The following GMPPB variants were observed in gnomAD, a reference collection of about 807,000 sequenced individuals.
GMPPB encodes GDP-mannose pyrophosphorylase B, also known as mannose-1-phosphate guanylyltransferase catalytic subunit beta.
GMPPB carries 38 observed loss-of-function variants against 40.3 expected under a neutral mutation model. The observed-to-expected ratio is 0.94, with a 90% CI of 0.73 to 1.24. The LOEUF is 1.24. Among genes scored for constraint, GMPPB ranks in the 50% most tolerant of loss-of-function variants. GMPPB has a pLI of 0.00. For missense variants in GMPPB, 436 were observed against 487.1 expected (o/e 0.90, Z 0.99); for synonymous variants, 193 against 191.8 (o/e 1.01, Z -0.05).
Position 49,721,544 on chromosome 3 carries a change from C to T in GMPPB, c.*208G>A. 1.2e-6 allele frequency: 1 copy of T among 804,044 alleles called. No individual in the cohort carries two copies. Among genetic ancestry groups the T allele is most frequent in the Non-Finnish European group, 2.1e-6 (1 of 475,298 alleles). The allele number at this position is 804,044 out of a possible 1,614,324, so 49.8% of individuals were successfully genotyped here. On this transcript the variant is annotated 3_prime_UTR_variant, in exon 9 of 9. Transcript: ENST00000308388. ...TATTCCATACAGCCCTGGCCCTGGC[C>T]CTTCTTGAGGGAGTGGGGTTTGTGG... is the stretch of plus-strand genomic sequence containing the variant.
Position 49,723,925 on chromosome 3 carries a change from G to C in GMPPB, c.-199C>G, listed in dbSNP as rs1216259600. ...CCGCCACAACACAGAACGCGACACC[G>C]GGTAGACGGCTGCTGGCCCCGAACT... On this transcript the variant is annotated 5_prime_UTR_variant, in exon 1 of 9. Coordinates refer to ENST00000308388, the MANE Select transcript of GMPPB (RefSeq NM_021971.4). The C allele has an allele frequency of 5.7e-6, 3 of 527,898 alleles. No individual in the cohort carries two copies. Among genetic ancestry groups the C allele is most frequent in the Non-Finnish European group, 9.6e-6 (3 of 312,976 alleles). The allele number at this position is 527,898 out of a possible 1,614,324, so 32.7% of individuals were successfully genotyped here. A position where few individuals can be genotyped will look rare whatever the true frequency, so the allele number is the denominator to read the frequency against.
At chr3:49,723,329 G>A in intron 2 of GMPPB, 27 bp from the exon 3 acceptor site, 5 of 1,614,204 alleles carry the variant, frequency 3.1e-6, no homozygotes, top group Non-Finnish European at 3.4e-6. Context: ...CCCCCAGTCA[G>A]GTTCTACCAG....
rs186586241 is a variant in GMPPB, at chr3:49,723,933, G to C, written c.-207C>G. 1,775 of 503,074 alleles carry C rather than the reference G, an allele frequency of 3.5e-3. 25 individuals carry two copies. Among genetic ancestry groups the C allele is most frequent in the African/African-American group, 0.032 (1,605 of 49,496 alleles). The allele number at this position is 503,074 out of a possible 1,614,324, so 31.2% of individuals were successfully genotyped here. A position where few individuals can be genotyped will look rare whatever the true frequency, so the allele number is the denominator to read the frequency against. ...ACACAGAACGCGACACCGGGTAGAC[G>C]GCTGCTGGCCCCGAACTCAGGCCGG... On this transcript the variant is annotated 5_prime_UTR_variant, in exon 1 of 9. Transcript: ENST00000308388.
At position 49,721,452 on chromosome 3, in the gene GMPPB, C is replaced by T; in HGVS notation, c.*300G>A. ...CTGCCTGTATCCTCATTGGTGGGAG[C>T]CCAGCCATGGCCCTAATTGTGCCTG... On this transcript the variant is annotated 3_prime_UTR_variant, in exon 9 of 9. Transcript: ENST00000308388. 9.0e-7 allele frequency: 1 copy of T among 1,111,876 alleles called. No homozygotes were observed. Among genetic ancestry groups the T allele is most frequent in the Non-Finnish European group, 1.4e-6 (1 of 727,210 alleles). The allele number at this position is 1,111,876 out of a possible 1,614,324, so 68.9% of individuals were successfully genotyped here.
chr3:49,721,629 G>A lies in GMPPB; in HGVS notation c.*123C>T. Reference sequence around the variant, plus strand: ...CACATGAGAAGGCAGGTGTCCAACAGCTTCAGCTTCACCCAGTGCCCCCCA... The same window carrying A: ...CACATGAGAAGGCAGGTGTCCAACAACTTCAGCTTCACCCAGTGCCCCCCA... On this transcript the variant is annotated 3_prime_UTR_variant, in exon 9 of 9. Transcript: ENST00000308388. 1.0e-6 allele frequency: 1 copy of A among 990,652 alleles called. No individual in the cohort carries two copies. Among genetic ancestry groups the A allele is most frequent in the Non-Finnish European group, 1.5e-6 (1 of 655,020 alleles). The allele number at this position is 990,652 out of a possible 1,614,324, so 61.4% of individuals were successfully genotyped here.
Position 49,722,230 on chromosome 3 carries a change from C to A in GMPPB, c.768+1G>T. 1.2e-6 allele frequency: 2 copies of A among 1,612,882 alleles called. No individual in the cohort carries two copies. The highest frequency in any genetic ancestry group is 1.7e-6 in the Non-Finnish European group (2 of 1,179,370). ...AATGATGGGCTGGGCAAGGGCCTCA[C>A]CACCAGCACGTTGCCCACAATGCCA... On this transcript the variant is annotated splice_donor_variant, in intron 7 of 8. Coordinates refer to ENST00000308388, the MANE Select transcript of GMPPB (RefSeq NM_021971.4). LOFTEE classifies it high-confidence loss of function.
chr3:49,722,954 G>A lies in GMPPB; in HGVS notation c.402+18C>T, dbSNP rs563829852. 1 of 1,611,880 alleles carries A rather than the reference G, an allele frequency of 6.2e-7. No individual in the cohort carries two copies. The highest frequency in any genetic ancestry group is 1.3e-5 in the African/African-American group (1 of 74,932). On this transcript the variant is annotated intron_variant, in intron 4 of 8. Coordinates refer to ENST00000308388, the MANE Select transcript of GMPPB (RefSeq NM_021971.4). ...TGGAGGGTGAAAGTGTCAAGAGAGA[G>A]AAGACCTGGCGCCTTACCAGGATGG...
chr3:49,720,984 C>G lies in GMPPB; in HGVS notation c.*768G>C. Reference sequence around the variant, plus strand: ...AACGGACATCCACATAGCCAGGCATCCAACTCCAGCCCACCCTTCACTCTC... The same window carrying G: ...AACGGACATCCACATAGCCAGGCATGCAACTCCAGCCCACCCTTCACTCTC... On this transcript the variant is annotated 3_prime_UTR_variant, in exon 9 of 9. Coordinates refer to ENST00000308388, the MANE Select transcript of GMPPB (RefSeq NM_021971.4). 1 of 1,608,290 alleles carries G rather than the reference C, an allele frequency of 6.2e-7. No individual in the cohort carries two copies. The highest frequency in any genetic ancestry group is 8.5e-7 in the Non-Finnish European group (1 of 1,175,348).
At position 49,721,313 on chromosome 3, in the gene GMPPB, A is replaced by T. The variant is rs2080401800; in HGVS notation, c.*439T>A. 1.2e-5 allele frequency: 19 copies of T among 1,614,064 alleles called. No homozygotes were observed. Among genetic ancestry groups the T allele is most frequent in the Non-Finnish European group, 1.4e-5 (17 of 1,180,036 alleles). ...ACCTCCTCAGCTGCCTAGCCCTCAC[A>T]GCCTGTGCCATCCTGGAACCTCCAC... On this transcript the variant is annotated 3_prime_UTR_variant, in exon 9 of 9. Coordinates refer to ENST00000308388, the MANE Select transcript of GMPPB (RefSeq NM_021971.4).
chr3:49,720,669 G>A lies in GMPPB; in HGVS notation c.*1083C>T. 1 of 1,595,164 alleles carries A rather than the reference G, an allele frequency of 6.3e-7. No homozygotes were observed. On this transcript the variant is annotated 3_prime_UTR_variant, in exon 9 of 9. Transcript: ENST00000308388. Reference sequence around the variant, plus strand: ...CTGCAGAGCTGTGAGTGGGCTGGTGGGGCAGGTCAGGGAAATCTGGGGCTG... The same window carrying A: ...CTGCAGAGCTGTGAGTGGGCTGGTGAGGCAGGTCAGGGAAATCTGGGGCTG...
Position 49,721,500 on chromosome 3 carries a change from A to ATTAAATTATTGACTTT in GMPPB, c.*251_*252insAAAGTCAATAATTTAA, listed in dbSNP as rs2080407288. Reference sequence around the variant, plus strand: ...CTGAGCTTGACTTTCAGTCAGGGCCACAGTGAGCATTAAATTATTATTCCA... The same window carrying ATTAAATTATTGACTTT: ...CTGAGCTTGACTTTCAGTCAGGGCCATTAAATTATTGACTTTCAGTGAGCATTAAATTATTATTCCA... On this transcript the variant is annotated 3_prime_UTR_variant, in exon 9 of 9. Transcript: ENST00000308388. The ATTAAATTATTGACTTT allele has an allele frequency of 8.1e-6, 7 of 860,336 alleles. No individual in the cohort carries two copies. Among genetic ancestry groups the ATTAAATTATTGACTTT allele is most frequent in the Non-Finnish European group, 1.4e-5 (7 of 513,226 alleles). 53.3% of individuals were successfully genotyped at this position (860,336 alleles called of 1,614,324 possible). A position where few individuals can be genotyped will look rare whatever the true frequency, so the allele number is the denominator to read the frequency against.
rs2080378279 is a variant in GMPPB, at chr3:49,720,480, T to TCTGA, written c.*1268_*1271dup. 1 of 1,518,498 alleles carries TCTGA rather than the reference T, an allele frequency of 6.6e-7. No homozygotes were observed. The highest frequency in any genetic ancestry group is 8.8e-7 in the Non-Finnish European group (1 of 1,131,884). The allele number at this position is 1,518,498 out of a possible 1,614,324, so 94.1% of individuals were successfully genotyped here. On this transcript the variant is annotated 3_prime_UTR_variant, in exon 9 of 9. Transcript: ENST00000308388. ...AGACTTTTAGCCAGGCCCCAAGCCT[T>TCTGA]CTGACTGCCCTTGCACCCTCCCCTA...
Position 49,721,639 on chromosome 3 carries a change from C to T in GMPPB, c.*113G>A. The T allele has an allele frequency of 9.4e-7, 1 of 1,067,712 alleles. No individual in the cohort carries two copies. Among genetic ancestry groups the T allele is most frequent in the Non-Finnish European group, 1.4e-6 (1 of 723,578 alleles). The allele number at this position is 1,067,712 out of a possible 1,614,324, so 66.1% of individuals were successfully genotyped here. On this transcript the variant is annotated 3_prime_UTR_variant, in exon 9 of 9. Transcript: ENST00000308388. ...GGCAGGTGTCCAACAGCTTCAGCTTCACCCAGTGCCCCCCAGACAAATAAT... is the reference window on the plus strand; with the variant it reads ...GGCAGGTGTCCAACAGCTTCAGCTTTACCCAGTGCCCCCCAGACAAATAAT...
chr3:49,722,646 T>A lies in GMPPB; in HGVS notation c.511A>T (p.Ile171Phe). The change falls in exon 5 of 9, where the codon ATC becomes TTC. Residue 171 changes from isoleucine to phenylalanine, a missense_variant. Coordinates refer to ENST00000308388, the MANE Select transcript of GMPPB (RefSeq NM_021971.4). ...EKPQVFVSNK[I>F]NAGMYILSPA... is the part of the protein sequence containing the mutation. ...CTCAGGATGTACATGCCTGCGTTGA[T>A]CTTATTGGACACAAACACCTGTGGC... The A allele has an allele frequency of 6.2e-7, 1 of 1,614,034 alleles. No individual in the cohort carries two copies. Among genetic ancestry groups the A allele is most frequent in the Non-Finnish European group, 8.5e-7 (1 of 1,180,026 alleles).
Position 49,720,615 on chromosome 3 carries a change from T to C in GMPPB, c.*1137A>G, listed in dbSNP as rs769445575. 6.2e-7 allele frequency: 1 copy of C among 1,605,958 alleles called. No individual in the cohort carries two copies. The highest frequency in any genetic ancestry group is 2.2e-5 in the East Asian group (1 of 44,714). On this transcript the variant is annotated 3_prime_UTR_variant, in exon 9 of 9. Coordinates refer to ENST00000308388, the MANE Select transcript of GMPPB (RefSeq NM_021971.4). ...GAGCCCCCAGCACCTGGCACTGCTCTGCCAGCCCCTGACCGGAAGCGCTTC... is the reference window on the plus strand; with the variant it reads ...GAGCCCCCAGCACCTGGCACTGCTCCGCCAGCCCCTGACCGGAAGCGCTTC...
Position 49,721,688 on chromosome 3 carries a change from T to C in GMPPB, c.*64A>G. 1 of 1,447,898 alleles carries C rather than the reference T, an allele frequency of 6.9e-7. No homozygotes were observed. Among genetic ancestry groups the C allele is most frequent in the Non-Finnish European group, 9.4e-7 (1 of 1,059,390 alleles). 89.7% of individuals were successfully genotyped at this position (1,447,898 alleles called of 1,614,324 possible). ...ATGACAAGTCCAGGGTCTTCTGATG[T>C]GTCAGGCCAGCACTCCCCTTGCTGA... On this transcript the variant is annotated 3_prime_UTR_variant, in exon 9 of 9. Transcript: ENST00000308388.
Position 49,720,351 on chromosome 3 carries a change from T to G in GMPPB, c.*1401A>C. ...AAAAAAAACAGGCTGTGTGGCACCT[T>G]ACTAGAATACAGGACTTGGGGTTTG... On this transcript the variant is annotated 3_prime_UTR_variant, in exon 9 of 9. Coordinates refer to ENST00000308388, the MANE Select transcript of GMPPB (RefSeq NM_021971.4). 1.6e-6 allele frequency: 1 copy of G among 609,752 alleles called. No individual in the cohort carries two copies. Among genetic ancestry groups the G allele is most frequent in the Non-Finnish European group, 2.6e-6 (1 of 391,792 alleles). 37.8% of individuals were successfully genotyped at this position (609,752 alleles called of 1,614,324 possible).
Position 49,720,666 on chromosome 3 carries a change from G to GTGGGGCAGGTCAGGGAAATC in GMPPB, c.*1066_*1085dup, listed in dbSNP as rs1559694436. On this transcript the variant is annotated 3_prime_UTR_variant, in exon 9 of 9. Transcript: ENST00000308388. ...TCCCTGCAGAGCTGTGAGTGGGCTG[G>GTGGGGCAGGTCAGGGAAATC]TGGGGCAGGTCAGGGAAATCTGGGG... 2 of 1,595,678 alleles carry GTGGGGCAGGTCAGGGAAATC rather than the reference G, an allele frequency of 1.3e-6. No individual in the cohort carries two copies. Among genetic ancestry groups the GTGGGGCAGGTCAGGGAAATC allele is most frequent in the Admixed American group, 3.4e-5 (2 of 59,398 alleles).
chr3:49,721,895 G>C lies in GMPPB; in HGVS notation c.952-12C>G. ...TTCTCCATGCGTACCTCCAGGAGAG[G>C]ATAGGCCTTGTCAGGGAGGCAGGCA... On this transcript the variant is annotated splice_polypyrimidine_tract_variant and intron_variant, in intron 8 of 8. Transcript: ENST00000308388. The C allele has an allele frequency of 6.2e-7, 1 of 1,613,984 alleles. No homozygotes were observed. The highest frequency in any genetic ancestry group is 1.3e-5 in the African/African-American group (1 of 75,048).
Sources: allele counts gnomAD v4.1 joint callset, GRCh38; gene constraint gnomAD v4.1.1; transcripts MANE v1.5; gene names NCBI Gene and HGNC (gene_info 2026-07-23, HGNC 2026-07-21).